The following ITGA3 variants were observed in gnomAD, a reference collection of about 807,000 sequenced individuals.
The protein encoded by ITGA3 is integrin subunit alpha 3.
ITGA3 carries 70 observed loss-of-function variants against 131.1 expected under a neutral mutation model. That is an observed-to-expected ratio of 0.53 (90% CI 0.44 to 0.65). The LOEUF (loss-of-function observed/expected upper bound fraction) is 0.65, where lower values mean the gene tolerates loss of function less well. ITGA3 is among the 30% of genes least tolerant of loss of function. The pLI is 0.00. For missense variants in ITGA3, 1,098 were observed against 1,388.6 expected, an observed-to-expected ratio of 0.79 and a Z score of 3.33; for synonymous variants, 537 against 571.6, an observed-to-expected ratio of 0.94 and a Z score of 0.86.
intron 23 of ITGA3, chr17:50,086,878 CCT>C (rs1909471560): frequency 6.6e-6 from 1 of 151,572 alleles, no homozygotes; most frequent in Non-Finnish European, 1.5e-5. Context: ...CATGGTGAAA[CCT>C]CATCTCCACT....
Position 50,074,171 on chromosome 17 carries a change from C to T in ITGA3, c.1273C>T (p.Pro425Ser), listed in dbSNP as rs1176277610. The T allele has an allele frequency of 1.9e-6, 3 of 1,614,026 alleles. No homozygotes were observed. The highest frequency in any genetic ancestry group is 2.5e-6 in the Non-Finnish European group (3 of 1,180,012). Residue 425 changes from proline (P) to serine (S), a missense_variant, in exon 9 of 26, where the codon CCT becomes TCT. Physicochemically the swap from Pro to Ser is moderately conservative, Grantham distance 74. Coordinates refer to ENST00000320031, the MANE Select transcript of ITGA3 (RefSeq NM_002204.4). ...QVIHGEKLGL[P>S]GLATFGYSLS... Reference sequence around the variant, plus strand: ...AATCCATGGAGAGAAGCTGGGACTGCCTGGGTTGGCCACCTTCGGCTATTC... The same window carrying T: ...AATCCATGGAGAGAAGCTGGGACTGTCTGGGTTGGCCACCTTCGGCTATTC...
chr17:50,087,666 G>A, intron 23 of ITGA3, 78 bp from the exon 24 acceptor site: 1 of 1,497,162 alleles, frequency 6.7e-7, no homozygotes, highest in Non-Finnish European at 9.1e-7. Context: ...CAGGTGCCTG[G>A]GCCCAGCTAG....
At position 50,056,274 on chromosome 17, in the gene ITGA3, G is replaced by A. The variant is rs1907798756; in HGVS notation, c.-166G>A. 6.0e-6 allele frequency: 3 copies of A among 501,040 alleles called. No homozygotes were observed. The highest frequency in any genetic ancestry group is 6.9e-6 in the Non-Finnish European group (2 of 290,914). 31.0% of individuals were successfully genotyped at this position (501,040 alleles called of 1,614,324 possible). ...TAGGAAGGGATCCGAGAGCGCAGCT[G>A]TGAAACTGGCTGGGGCTGGGGGCAC... On this transcript the variant is annotated 5_prime_UTR_variant, in exon 1 of 26. It adds an upstream start codon to the 5' untranslated region. Coordinates refer to ENST00000320031, the MANE Select transcript of ITGA3 (RefSeq NM_002204.4). This position sits in a 1 kb window ranked among gnomAD's most constrained non-coding sequence, Gnocchi z 5.6.
rs766723131 is a variant in ITGA3 at position 50,056,628 on chromosome 17, G to C, written c.189G>C (p.Glu63Asp). 1.2e-6 allele frequency: 2 copies of C among 1,601,774 alleles called. No individual in the cohort carries two copies. Among genetic ancestry groups the C allele is most frequent in the Non-Finnish European group, 1.7e-6 (2 of 1,175,220 alleles). The change falls in exon 1 of 26, where the codon GAG (glutamate) becomes GAC (aspartate). Residue 63 changes from glutamate to aspartate, a missense_variant. By Grantham distance (45) the Glu-to-Asp change is conservative. Around this residue, in one of 3 missense-constraint regions of ITGA3, gnomAD observed 356 missense variants for 529.2 expected, o/e 0.67. Coordinates refer to ENST00000320031, the MANE Select transcript of ITGA3 (RefSeq NM_002204.4). The surrounding 1 kb of genome is among the most constrained non-coding windows in gnomAD (Gnocchi z 5.6). ...GYSVALHRQT[E>D]RQQRYLLLAG... is the part of the protein sequence containing the mutation. The stretch of plus-strand genomic sequence containing the variant: ...CGGTCGCCCTCCATCGGCAGACAGA[G>C]CGGCAGCAGCGCTACCTGTAAGTGA...
Position 50,080,428 on chromosome 17 carries a change from C to A in ITGA3, c.2820+53C>A, listed in dbSNP as rs999567921. The A allele has an allele frequency of 3.7e-6, 4 of 1,072,724 alleles. No individual in the cohort carries two copies. The Admixed American group carries it at 5.6e-5, about 15-fold the overall frequency. 66.5% of individuals were successfully genotyped at this position (1,072,724 alleles called of 1,614,324 possible). A position where few individuals can be genotyped will look rare whatever the true frequency, so the allele number is the denominator to read the frequency against. ...CTACCATCCACCCTGAGGGGGAGAACAACAGGGAGAGGGCGAGTCCAGGGT... is the reference window on the plus strand; with the variant it reads ...CTACCATCCACCCTGAGGGGGAGAAAAACAGGGAGAGGGCGAGTCCAGGGT... On this transcript the variant is annotated intron_variant, in intron 22 of 25. Transcript: ENST00000320031.
chr17:50,060,227 C>T (rs769962133), intron 1 of ITGA3, among the ~76,000 whole-genome samples: 15 of 152,180 alleles, frequency 9.9e-5, no homozygotes, highest in Non-Finnish European at 2.1e-4. Context: ...GAGGCCCTGC[C>T]ATGTTGGCCT....
In ITGA3 at chr17:50,087,653, C is replaced by G. The variant is rs1181729435; in HGVS notation, c.2920-91C>G. The G allele has an allele frequency of 2.8e-6, 4 of 1,433,520 alleles. No individual in the cohort carries two copies. In the African/African-American group the frequency reaches 5.5e-5, roughly 20 times the overall value. The allele number at this position is 1,433,520 out of a possible 1,614,324, so 88.8% of individuals were successfully genotyped here. A position where few individuals can be genotyped will look rare whatever the true frequency, so the allele number is the denominator to read the frequency against. ...TGCCCCCTACTGGCAGCAGGACAAA[C>G]AGCAGGTGCCTGGGCCCAGCTAGGA... On this transcript the variant is annotated intron_variant, in intron 23 of 25. Transcript: ENST00000320031.
At position 50,089,534 on chromosome 17, in the gene ITGA3, G is replaced by A. The variant is rs1349790599; in HGVS notation, c.*456G>A. On this transcript the variant is annotated 3_prime_UTR_variant, in exon 26 of 26. Coordinates refer to ENST00000320031, the MANE Select transcript of ITGA3 (RefSeq NM_002204.4). The stretch of plus-strand genomic sequence containing the variant: ...GGCCCACTGCTCGTGGACTGTGCTG[G>A]TGCATCACGGATGGTGCATGGGCTC... The A allele has an allele frequency of 1.9e-5, 9 of 483,198 alleles. No individual in the cohort carries two copies. The East Asian group carries it at 2.8e-4, about 15-fold the overall frequency. 29.9% of individuals were successfully genotyped at this position (483,198 alleles called of 1,614,324 possible). A position where few individuals can be genotyped will look rare whatever the true frequency, so the allele number is the denominator to read the frequency against.
At chr17:50,077,873 G>T in intron 16 of ITGA3, 173 bp from the exon 17 acceptor site, 1 of 592,472 alleles carries the variant, frequency 1.7e-6, no homozygotes, top group South Asian at 2.1e-5. Context: ...TGGAGAGAAA[G>T]GGGGAAAGGG....
At chr17:50,069,024 A>G (rs1037780206) in intron 4 of ITGA3, among the ~76,000 whole-genome samples, 1 of 151,170 alleles carries the variant, frequency 6.6e-6, no homozygotes, top group Admixed American at 6.6e-5. Context: ...ATTTTTTTGT[A>G]TTTTTAGTAG....
At chr17:50,063,951 T>C in intron 1 of ITGA3, 126 bp from the exon 2 acceptor site, 2 of 1,351,286 alleles carry the variant, frequency 1.5e-6, no homozygotes, top group Non-Finnish European at 2.0e-6. Flanking sequence ...TGGGCACTTC[T>C]GGAGGGCAGG....
intron 1 of ITGA3, 164 bp from the exon 2 acceptor site, chr17:50,063,913 T>G (rs1373650746): frequency 6.3e-6 from 6 of 955,802 alleles, no homozygotes; most frequent in Non-Finnish European, 9.1e-6. Flanking sequence ...TTCTAGTGTC[T>G]TTTTTCCTTG....
At chr17:50,081,166 G>C (rs771024434) in intron 22 of ITGA3, 144 bp from the exon 23 acceptor site, 2 of 605,736 alleles carry the variant, frequency 3.3e-6, no homozygotes, top group South Asian at 4.1e-5. Context: ...GTGTGTGGAG[G>C]GGAGGCCTGG....
At chr17:50,076,231 G>T (rs919028890) in intron 12 of ITGA3, 95 bp from the exon 13 acceptor site, 1 of 1,340,186 alleles carries the variant, frequency 7.5e-7, no homozygotes, top group South Asian at 1.3e-5. Flanking sequence ...GGTGGGGGGC[G>T]GGTCCAGCTC....
In ITGA3 at chr17:50,070,730, G is replaced by T. The variant is rs529055954; in HGVS notation, c.665-114G>T. On this transcript the variant is annotated intron_variant, in intron 4 of 25. Coordinates refer to ENST00000320031, the MANE Select transcript of ITGA3 (RefSeq NM_002204.4). ...ATGGCAAAATGCTCACCAATAAAAG[G>T]GGTTATTACTATCCTTGTTGGGTGG... is the stretch of plus-strand genomic sequence containing the variant. The T allele has an allele frequency of 9.2e-6, 6 of 649,714 alleles. No homozygotes were observed. The African/African-American group carries it at 1.1e-4, about 12-fold the overall frequency. The allele number at this position is 649,714 out of a possible 1,614,324, so 40.2% of individuals were successfully genotyped here. A position where few individuals can be genotyped will look rare whatever the true frequency, so the allele number is the denominator to read the frequency against.
At position 50,077,046 on chromosome 17, in the gene ITGA3, C is replaced by T; in HGVS notation, c.1995C>T (p.Arg665=). 1 of 1,608,316 alleles carries T rather than the reference C, an allele frequency of 6.2e-7. No individual in the cohort carries two copies. The highest frequency in any genetic ancestry group is 8.5e-7 in the Non-Finnish European group (1 of 1,176,978). ...TGACGAACACCCGGACCTCGGAGCG[C>T]TCCGGGGAGGACGCCCACGAGGCGC... The part of the protein sequence containing the change: ...INVTNTRTSE[R]SGEDAHEALL... Residue 665 remains arginine (R), a synonymous_variant, in exon 15 of 26, where the codon CGC becomes CGT. Transcript: ENST00000320031.
intron 1 of ITGA3, among the ~76,000 whole-genome samples, chr17:50,058,419 C>T (rs1205791434): frequency 1.3e-5 from 2 of 152,212 alleles, no homozygotes; most frequent in Admixed American, 6.5e-5. Context: ...AGATAAAGTG[C>T]GTAAAATCCT....
intron 21 of ITGA3, 30 bp from the exon 22 acceptor site, chr17:50,080,232 G>A (rs778471021): frequency 4.6e-6 from 6 of 1,315,726 alleles, no homozygotes; most frequent in African/African-American, 1.4e-5. Context: ...CTCAGACTAT[G>A]TCACGTCTTG....
At position 50,087,794 on chromosome 17, in the gene ITGA3, C is replaced by T. The variant is rs768841228; in HGVS notation, c.2970C>T (p.Ile990=). 2.5e-5 allele frequency: 41 copies of T among 1,613,130 alleles called. No individual in the cohort carries two copies. Among genetic ancestry groups the T allele is most frequent in the Non-Finnish European group, 3.4e-5 (40 of 1,179,762 alleles). ...SELVEELPAE[I]ELWLVLVAVG... Reference sequence around the variant, plus strand: ...TGGTGGAGGAGCTGCCGGCCGAAATCGAGCTGTGGCTGGTGCTGGTGGCCG... The same window carrying T: ...TGGTGGAGGAGCTGCCGGCCGAAATTGAGCTGTGGCTGGTGCTGGTGGCCG... The change falls in exon 24 of 26, where the codon ATC becomes ATT. Residue 990 remains isoleucine, a synonymous_variant. Transcript: ENST00000320031.
Sources: allele counts gnomAD v4.1 joint callset (sites outside exome capture counted in the v4.1 genomes callset), GRCh38; gene constraint gnomAD v4.1.1; regional missense constraint gnomAD v4.1.1; non-coding constraint Gnocchi (gnomAD v3.1); transcripts MANE v1.5; gene names NCBI Gene and HGNC (gene_info 2026-07-23, HGNC 2026-07-21).